DAB1: variants seen among roughly 807,000 people sequenced by gnomAD.
DAB1 encodes disabled homolog 1.
A neutral mutation model predicts 64.6 loss-of-function variants in DAB1; 15 were observed. The ratio of observed to expected loss-of-function variants is 0.23; its 90% CI spans 0.16 to 0.36. The LOEUF is 0.36. DAB1 is among the 10% of genes least tolerant of loss of function. The pLI is 1.00. For missense variants in DAB1, 596 were observed against 706.7 expected, an observed-to-expected ratio of 0.84 and a Z score of 1.78; for synonymous variants, 235 against 251.9, an observed-to-expected ratio of 0.93 and a Z score of 0.64.
chr1:57,856,162 G>A (rs1437716733), intron 1 of DAB1, among the ~76,000 whole-genome samples: 2 of 151,610 alleles, frequency 1.3e-5, no homozygotes, highest in Non-Finnish European at 2.9e-5. Flanking sequence ...CTAGAAAAGA[G>A]AAGTGTAGCT....
intron 5 of DAB1, among the ~76,000 whole-genome samples, chr1:58,149,831 A>G (rs983531548): frequency 6.6e-6 from 1 of 152,168 alleles, no homozygotes; most frequent in Non-Finnish European, 1.5e-5. Context: ...TTAAAACACC[A>G]CATTTTCATC....
intron 2 of DAB1, among the ~76,000 whole-genome samples, chr1:58,526,931 CATGTCTA>C (rs1442335209): frequency 2.6e-4 from 39 of 152,236 alleles, no homozygotes; most frequent in African/African-American, 8.9e-4. Context: ...TTGTATGTTT[CATGTCTA>C]TGATCAAAAA....
intron 1 of DAB1, among the ~76,000 whole-genome samples, chr1:57,312,138 G>A (rs1674765907): frequency 6.6e-6 from 1 of 152,200 alleles, no homozygotes; most frequent in Admixed American, 6.5e-5. Context: ...ATAATCTCAT[G>A]TGATCCCCAC....
intron 5 of DAB1, among the ~76,000 whole-genome samples, chr1:58,014,627 T>C (rs142166111): frequency 6.6e-6 from 1 of 152,352 alleles, no homozygotes; most frequent in East Asian, 1.9e-4. Flanking sequence ...TGCTTATTTA[T>C]ATATCCACCT....
At chr1:57,959,555 C>A (rs1645468812) in intron 5 of DAB1, among the ~76,000 whole-genome samples, 1 of 152,132 alleles carries the variant, frequency 6.6e-6, no homozygotes, top group Non-Finnish European at 1.5e-5. Flanking sequence ...AATTGGTAGC[C>A]AAAAGATTAG....
chr1:57,751,736 G>A (rs1396076921), intron 6 of DAB1, among the ~76,000 whole-genome samples: 2 of 152,046 alleles, frequency 1.3e-5, no homozygotes, highest in Non-Finnish European at 2.9e-5. Context: ...ATCCAACAGG[G>A]AAGAGATACA....
chr1:58,286,551 C>T (rs914097570), intron 4 of DAB1, among the ~76,000 whole-genome samples: 1 of 152,166 alleles, frequency 6.6e-6, no homozygotes, highest in Non-Finnish European at 1.5e-5. Flanking sequence ...ATGCAGCCAA[C>T]AAACATATTT....
chr1:58,201,554 G>A (rs1557693560), intron 4 of DAB1, among the ~76,000 whole-genome samples: 1 of 152,202 alleles, frequency 6.6e-6, no homozygotes, highest in Non-Finnish European at 1.5e-5. Context: ...CTTAAAAGTA[G>A]ATGAAGGACC....
chr1:57,480,045 G>A (rs1176632243), intron 7 of DAB1, among the ~76,000 whole-genome samples: 2 of 151,552 alleles, frequency 1.3e-5, no homozygotes, highest in South Asian at 2.1e-4. Flanking sequence ...CCAGCTACAC[G>A]GGAGGCTGAG....
At chr1:58,008,351 A>G (rs551639388) in intron 5 of DAB1, among the ~76,000 whole-genome samples, 2 of 152,258 alleles carry the variant, frequency 1.3e-5, no homozygotes, top group Non-Finnish European at 2.9e-5. Flanking sequence ...AATGGGCCAA[A>G]ACACAACAAC....
rs139968392 is a variant in DAB1, at chr1:57,265,156, G to A, written c.67+25808C>T. ...CCCAGTGGGCTCCCTCCTCCCATGC[G>A]CCCCACACCCAGCCTCCAGACACGG... On this transcript the variant is annotated intron_variant, in intron 2 of 14. Coordinates refer to ENST00000371236, the MANE Select transcript of DAB1 (RefSeq NM_001365792.1). Among the ~76,000 whole-genome samples, 690 of 152,174 alleles carry A rather than the reference G, an allele frequency of 4.5e-3. 3 individuals carry two copies. Among genetic ancestry groups the A allele is most frequent in the Non-Finnish European group, 7.7e-3 (521 of 67,996 alleles).
At chr1:57,079,613 G>A (rs1265682938) in intron 4 of DAB1, among the ~76,000 whole-genome samples, 1 of 152,118 alleles carries the variant, frequency 6.6e-6, no homozygotes, top group Non-Finnish European at 1.5e-5. Context: ...ATACTTGCCA[G>A]GGCCTGCAGA....
intron 5 of DAB1, among the ~76,000 whole-genome samples, chr1:57,910,783 C>G (rs1048959157): frequency 9.2e-5 from 14 of 152,334 alleles, no homozygotes; most frequent in Admixed American, 7.2e-4. Context: ...TGTTGGCCTG[C>G]ATTATCGATG....
chr1:57,045,324 T>C (rs1320158550), intron 9 of DAB1, among the ~76,000 whole-genome samples: 1 of 152,096 alleles, frequency 6.6e-6, no homozygotes, highest in South Asian at 2.1e-4. Context: ...GGAAGGAGGC[T>C]AGAACATCCT....
At chr1:57,276,647 A>G (rs1374459886) in intron 2 of DAB1, among the ~76,000 whole-genome samples, 1 of 152,218 alleles carries the variant, frequency 6.6e-6, no homozygotes, top group Non-Finnish European at 1.5e-5. Flanking sequence ...TTTGTTTTTC[A>G]CAAGTGGGGG....
At position 58,233,576 on chromosome 1, in the gene DAB1, T is replaced by A. The variant is rs189165515; in HGVS notation, n.310-82988A>T. The stretch of plus-strand genomic sequence containing the variant: ...CTTTTCATTCTCTCTCTAATTCTCA[T>A]GATAATCTCCAATACAAAGTATTTA... On this transcript the variant is annotated intron_variant and non_coding_transcript_variant, in intron 4 of 20. Coordinates refer to the DAB1 transcript ENST00000485760. 7.9e-5 allele frequency among the ~76,000 whole-genome samples: 12 copies of A among 152,322 alleles called. No individual in the cohort carries two copies. The East Asian group carries it at 2.3e-3, about 29-fold the overall frequency.
intron 7 of DAB1, among the ~76,000 whole-genome samples, chr1:57,485,775 T>G (rs1570564375): frequency 6.6e-6 from 1 of 152,218 alleles, no homozygotes; most frequent in Admixed American, 6.5e-5. Context: ...GTGTAGAGCA[T>G]GCACTCAGTA....
At chr1:57,535,630 T>C (rs1644718004) in intron 7 of DAB1, among the ~76,000 whole-genome samples, 1 of 152,110 alleles carries the variant, frequency 6.6e-6, no homozygotes, top group Non-Finnish European at 1.5e-5. Context: ...GCCTGGCTAA[T>C]TTTTGTATTT....
intron 1 of DAB1, among the ~76,000 whole-genome samples, chr1:57,323,920 T>C (rs1193776839): frequency 6.6e-6 from 1 of 151,966 alleles, no homozygotes; most frequent in Non-Finnish European, 1.5e-5. Context: ...TAGGTATTAG[T>C]ATTTGCTGAA....
Sources: gnomAD v4.1 joint callset for allele counts (sites outside exome capture counted in the v4.1 genomes callset) on GRCh38, gnomAD v4.1.1 for gene constraint, MANE v1.5 for transcripts, NCBI Gene and HGNC (gene_info 2026-07-23, HGNC 2026-07-21) for gene names.